The following GRM5 variants were observed in gnomAD, a reference collection of about 807,000 sequenced individuals.
GRM5 encodes metabotropic glutamate receptor 5.
A neutral mutation model predicts 83.1 loss-of-function variants in GRM5; 19 were observed. The observed-to-expected ratio is 0.23, with a 90% CI of 0.16 to 0.34. The LOEUF (loss-of-function observed/expected upper bound fraction) is 0.34. Ranked by LOEUF, GRM5 falls within the 10% of genes least tolerant of loss-of-function variation. The pLI is 1.00. For missense variants in GRM5, 1,160 were observed against 1,588.3 expected (o/e 0.73, Z 4.58); for synonymous variants, 675 against 633.6 (o/e 1.07, Z -0.98).
intron 2 of GRM5, among the ~76,000 whole-genome samples, chr11:88,968,699 G>A (rs111647871): frequency 3.3e-5 from 5 of 151,870 alleles, no homozygotes; most frequent in African/African-American, 9.7e-5. Context: ...ATAACACAAA[G>A]TGTTCAAGAT....
chr11:88,844,206 A>G (rs943474084), intron 3 of GRM5, among the ~76,000 whole-genome samples: 1 of 152,178 alleles, frequency 6.6e-6, no homozygotes, highest in Non-Finnish European at 1.5e-5. Flanking sequence ...GGAAGCCAAC[A>G]ATCATTTCCA....
At chr11:88,585,304 T>C (rs1943290239) in intron 7 of GRM5, among the ~76,000 whole-genome samples, 1 of 152,220 alleles carries the variant, frequency 6.6e-6, no homozygotes, top group African/African-American at 2.4e-5. Context: ...AATCTATTTT[T>C]AGTTACAGGG....
chr11:88,680,947 C>T (rs16914531), intron 3 of GRM5, among the ~76,000 whole-genome samples: 2,851 of 152,232 alleles, frequency 0.019, 67 homozygotes, highest in East Asian at 0.095. Context: ...CTGAGAAGTA[C>T]AGATGAGAGA....
At chr11:88,884,659 G>T (rs1945012334) in intron 2 of GRM5, among the ~76,000 whole-genome samples, 1 of 152,168 alleles carries the variant, frequency 6.6e-6, no homozygotes, top group African/African-American at 2.4e-5. Context: ...ATTCCCATGT[G>T]TCATGAGAGG....
At chr11:88,883,319 C>T (rs183382495) in intron 2 of GRM5, among the ~76,000 whole-genome samples, 1 of 152,126 alleles carries the variant, frequency 6.6e-6, no homozygotes, top group Non-Finnish European at 1.5e-5. Context: ...ATGATATGGA[C>T]AATGAAGTCC....
Position 88,521,366 on chromosome 11 carries a change from A to G in GRM5, c.2726+3943T>C, listed in dbSNP as rs191080758. Among the ~76,000 whole-genome samples the G allele has an allele frequency of 1.4e-4, 22 of 152,260 alleles. No individual in the cohort carries two copies. The East Asian group carries it at 4.2e-3, about 29-fold the overall frequency. On this transcript the variant is annotated intron_variant, in intron 9 of 9. Coordinates refer to ENST00000305447, the MANE Select transcript of GRM5 (RefSeq NM_001143831.3). The stretch of plus-strand genomic sequence containing the variant: ...TGGGAGGCAGAAGTTGCAGTGAGCC[A>G]AGATCGCACCATTGCACTCCAGCCT...
intron 3 of GRM5, among the ~76,000 whole-genome samples, chr11:88,696,630 T>A (rs1827102): frequency 0.56 from 85,484 of 151,602 alleles, 26,800 homozygotes; most frequent in South Asian, 0.8. Context: ...ATTTGATATT[T>A]GATAATGAAG....
intron 4 of GRM5, among the ~76,000 whole-genome samples, chr11:88,636,824 C>T (rs866024455): frequency 2.6e-5 from 4 of 152,068 alleles, no homozygotes; most frequent in Non-Finnish European, 5.9e-5. Context: ...TTCCCCATTG[C>T]TTGTTTTTCT....
intron 3 of GRM5, among the ~76,000 whole-genome samples, chr11:88,783,964 A>G (rs902262256): frequency 2.0e-5 from 3 of 152,030 alleles, no homozygotes; most frequent in Non-Finnish European, 4.4e-5. Flanking sequence ...ATAATTCCCC[A>G]TTATCAGTGG....
chr11:88,770,926 A>G (rs1404034050), intron 3 of GRM5, among the ~76,000 whole-genome samples: 2 of 152,122 alleles, frequency 1.3e-5, no homozygotes, highest in Non-Finnish European at 2.9e-5. Context: ...ATATGACCAT[A>G]TTGCCACTCA....
At chr11:88,585,270 A>C (rs1171051314) in intron 7 of GRM5, among the ~76,000 whole-genome samples, 1 of 152,222 alleles carries the variant, frequency 6.6e-6, no homozygotes, top group African/African-American at 2.4e-5. Context: ...TATATTAAAT[A>C]AATGTGTATG....
intron 4 of GRM5, among the ~76,000 whole-genome samples, chr11:88,630,208 T>A (rs937841925): frequency 3.9e-5 from 6 of 152,174 alleles, no homozygotes; most frequent in Non-Finnish European, 7.3e-5. Flanking sequence ...ATTATCACCA[T>A]CTAATATAGT....
intron 3 of GRM5, among the ~76,000 whole-genome samples, chr11:88,776,370 T>G (rs187806300): frequency 2.0e-5 from 3 of 152,334 alleles, no homozygotes; most frequent in East Asian, 3.9e-4. Flanking sequence ...TACAGCACAC[T>G]GATGGGTCTT....
intron 4 of GRM5, among the ~76,000 whole-genome samples, chr11:88,619,902 T>C (rs1267178415): frequency 6.6e-6 from 1 of 152,040 alleles, no homozygotes; most frequent in Non-Finnish European, 1.5e-5. Context: ...TAACATACTA[T>C]AACATTGCAA....
At position 88,597,334 on chromosome 11, in the gene GRM5, G is replaced by T; in HGVS notation, c.1413C>A (p.Phe471Leu). ...CAAAGTAATCTTTTCCCATTTCCTT[G>T]AAATTCATTATTTCATACCTTAGGA... ...DSPGRYEIMNFKEMGKDYFDY... is the reference protein window; with the variant it reads ...DSPGRYEIMNLKEMGKDYFDY... Residue 471 changes from phenylalanine (F) to leucine (L), a missense_variant, in exon 6 of 10, where the codon TTC (phenylalanine) becomes TTA (leucine). By Grantham distance (22) the Phe-to-Leu change is conservative. This residue lies in a region of GRM5 where 132 missense variants were observed against 197.6 expected (regional missense o/e 0.67). Transcript: ENST00000305447. 1 of 1,513,116 alleles carries T rather than the reference G, an allele frequency of 6.6e-7. No homozygotes were observed. Among genetic ancestry groups the T allele is most frequent in the Non-Finnish European group, 9.1e-7 (1 of 1,093,830 alleles). 93.7% of individuals were successfully genotyped at this position (1,513,116 alleles called of 1,614,324 possible).
intron 3 of GRM5, among the ~76,000 whole-genome samples, chr11:88,844,760 A>G (rs1565258273): frequency 1.3e-5 from 2 of 152,206 alleles, no homozygotes; most frequent in Admixed American, 6.5e-5. Context: ...TCCAACCCTC[A>G]TGGATGACTT....
At chr11:88,569,060 C>T (rs61901969) in intron 7 of GRM5, among the ~76,000 whole-genome samples, 39,996 of 152,034 alleles carry the variant, frequency 0.26, 5,329 homozygotes, top group Admixed American at 0.35. Flanking sequence ...TCAAAGTTGG[C>T]TACACACTAG....
intron 3 of GRM5, among the ~76,000 whole-genome samples, chr11:88,812,764 CAG>C (rs1711657256): frequency 6.6e-6 from 1 of 152,048 alleles, no homozygotes; most frequent in African/African-American, 2.4e-5. Context: ...GGTTTTAACA[CAG>C]AAAACTTTGA....
intron 5 of GRM5, among the ~76,000 whole-genome samples, chr11:88,600,599 C>T (rs149673566): frequency 6.6e-6 from 1 of 151,996 alleles, no homozygotes; most frequent in African/African-American, 2.4e-5. Context: ...ACAAAAAGTT[C>T]TATTAAAGCA....
Sources: allele counts gnomAD v4.1 joint callset (sites outside exome capture counted in the v4.1 genomes callset), GRCh38; gene constraint gnomAD v4.1.1; regional missense constraint gnomAD v4.1.1; transcripts MANE v1.5; gene names NCBI Gene and HGNC (gene_info 2026-07-23, HGNC 2026-07-21).